NKAIN3: variants seen among roughly 807,000 people sequenced by gnomAD.
NKAIN3 encodes sodium/potassium transporting ATPase interacting 3, also known as sodium/potassium-transporting ATPase subunit beta-1-interacting protein 3.
Under a neutral mutation model 30.2 loss-of-function variants are expected in NKAIN3, and 25 were observed. The observed-to-expected ratio is 0.83, with a 90% CI of 0.60 to 1.16. The LOEUF (loss-of-function observed/expected upper bound fraction) is 1.16, where lower values mean the gene tolerates loss of function less well. Ranked by LOEUF, NKAIN3 falls within the 50% of genes most tolerant of loss-of-function variation. The pLI, the probability that NKAIN3 is intolerant of heterozygous loss-of-function variation, is 0.00. For missense variants in NKAIN3, 225 were observed against 254.1 expected, an observed-to-expected ratio of 0.89 and a Z score of 0.78; for synonymous variants, 91 against 89.6, an observed-to-expected ratio of 1.02 and a Z score of -0.09.
At chr8:62,550,222 G>T (rs953258813) in intron 1 of NKAIN3, among the ~76,000 whole-genome samples, 14 of 152,070 alleles carry the variant, frequency 9.2e-5, no homozygotes, top group African/African-American at 3.4e-4. Context: ...TTTCATGCCT[G>T]CTCCCCTTTT....
At position 62,720,345 on chromosome 8, in the gene NKAIN3, C is replaced by A. The variant is rs541303913; in HGVS notation, c.274-26587C>A. On this transcript the variant is annotated intron_variant, in intron 3 of 6. Transcript: ENST00000623646. ...TTCTAAATGTTAATAAATAAATATG[C>A]ATTGTGTGTGGTACATTCTATTACA... Among the ~76,000 whole-genome samples the A allele has an allele frequency of 2.0e-5, 3 of 152,154 alleles. No individual in the cohort carries two copies. In the South Asian group the frequency reaches 6.2e-4, roughly 32 times the overall value.
intron 3 of NKAIN3, among the ~76,000 whole-genome samples, chr8:62,656,117 T>C (rs1453711085): frequency 6.6e-6 from 1 of 152,112 alleles, no homozygotes; most frequent in African/African-American, 2.4e-5. Context: ...GGCAGTGGCC[T>C]CGCCTTCATG....
chr8:62,279,731 A>G (rs1347253781), intron 1 of NKAIN3, among the ~76,000 whole-genome samples: 1 of 152,158 alleles, frequency 6.6e-6, no homozygotes, highest in Non-Finnish European at 1.5e-5. Context: ...CCATTGGTCT[A>G]TATCTCTGTT....
rs1225197098 is a variant in NKAIN3 at position 62,729,031 on chromosome 8, AAAAAAAAAC to A, written c.274-17892_274-17884del. ...AAAACAAAACAAACAAACCAAAAAA[AAAAAAAAAC>A]AAAAAAAAAAAACCTCCTGCTCTGC... On this transcript the variant is annotated intron_variant, in intron 3 of 6. Coordinates refer to ENST00000623646, the MANE Select transcript of NKAIN3 (RefSeq NM_001304533.3). 2.2e-4 allele frequency among the ~76,000 whole-genome samples: 24 copies of A among 110,572 alleles called. 2 individuals are homozygous for A. The highest frequency in any genetic ancestry group is 3.4e-4 in the Non-Finnish European group (19 of 56,072). 72.5% of individuals were successfully genotyped at this position (110,572 alleles called of 152,430 possible).
chr8:62,525,110 G>A (rs572580757), intron 1 of NKAIN3, among the ~76,000 whole-genome samples: 20 of 152,000 alleles, frequency 1.3e-4, no homozygotes, highest in African/African-American at 4.8e-4. Flanking sequence ...AATTCCTGCT[G>A]CGAGCCATCA....
rs1707994320 is a variant in NKAIN3, at chr8:62,982,131, T to C, written c.*16724T>C. On this transcript the variant is annotated 3_prime_UTR_variant, in exon 7 of 7. Transcript: ENST00000623646. Reference sequence around the variant, plus strand: ...TAAGGTAAGAGCCTGCAGGCAGCACTGTATTGCTTTACAAAACAGCATTTC... The same window carrying C: ...TAAGGTAAGAGCCTGCAGGCAGCACCGTATTGCTTTACAAAACAGCATTTC... The C allele has an allele frequency of 6.6e-6, 1 of 152,218 alleles. No homozygotes were observed. The highest frequency in any genetic ancestry group is 1.5e-5 in the Non-Finnish European group (1 of 68,038). 9.4% of individuals were successfully genotyped at this position (152,218 alleles called of 1,614,324 possible).
chr8:62,632,492 G>A (rs1367608993), intron 3 of NKAIN3, among the ~76,000 whole-genome samples: 1 of 152,084 alleles, frequency 6.6e-6, no homozygotes, highest in African/African-American at 2.4e-5. Context: ...TTTTAAGATA[G>A]TTGATTTACA....
At chr8:62,846,302 T>G (rs1417840029) in intron 4 of NKAIN3, among the ~76,000 whole-genome samples, 1 of 152,162 alleles carries the variant, frequency 6.6e-6, no homozygotes, top group Non-Finnish European at 1.5e-5. Flanking sequence ...ATCTTCTTTT[T>G]CCAGTTGATT....
At chr8:62,532,413 G>GCT (rs1554544045) in intron 1 of NKAIN3, among the ~76,000 whole-genome samples, 1 of 151,762 alleles carries the variant, frequency 6.6e-6, no homozygotes, top group Non-Finnish European at 1.5e-5. Flanking sequence ...TTGTCCTGAA[G>GCT]CCCTGGCTGC....
intron 3 of NKAIN3, among the ~76,000 whole-genome samples, chr8:62,684,776 G>T (rs534503358): frequency 6.6e-6 from 1 of 152,296 alleles, no homozygotes; most frequent in East Asian, 1.9e-4. Context: ...AATCCACCAT[G>T]ATTGATGCCC....
At chr8:62,589,280 G>A (rs1810578543) in intron 2 of NKAIN3, among the ~76,000 whole-genome samples, 1 of 151,680 alleles carries the variant, frequency 6.6e-6, no homozygotes, top group Admixed American at 6.6e-5. Flanking sequence ...CTCCACGCAT[G>A]TTTTCTTCAA....
chr8:62,364,703 G>A (rs894239018), intron 1 of NKAIN3, among the ~76,000 whole-genome samples: 3 of 151,492 alleles, frequency 2.0e-5, no homozygotes, highest in Admixed American at 2.0e-4. Flanking sequence ...GCAGAGCCTG[G>A]TGGCGGGCGC....
At chr8:62,614,189 G>A (rs1287826700) in intron 3 of NKAIN3, among the ~76,000 whole-genome samples, 1 of 152,112 alleles carries the variant, frequency 6.6e-6, no homozygotes, top group Non-Finnish European at 1.5e-5. Flanking sequence ...TATTTGAAAG[G>A]ACTTGGGTAT....
At chr8:62,735,378 CTT>C (rs200472150) in intron 3 of NKAIN3, among the ~76,000 whole-genome samples, 521 of 27,676 alleles carry the variant, frequency 0.019, 2 homozygotes, top group African/African-American at 0.043. Flanking sequence ...TTCTTTCTTT[CTT>C]TTTTTTTTTT....
At chr8:62,851,451 C>T (rs561025917) in intron 4 of NKAIN3, among the ~76,000 whole-genome samples, 2 of 152,200 alleles carry the variant, frequency 1.3e-5, no homozygotes, top group South Asian at 4.2e-4. Context: ...CCTTTATTTC[C>T]TTCTCCTGCC....
chr8:62,251,145 C>T (rs1812088557), intron 1 of NKAIN3, among the ~76,000 whole-genome samples: 1 of 152,044 alleles, frequency 6.6e-6, no homozygotes, highest in African/African-American at 2.4e-5. Flanking sequence ...TAAAACTATC[C>T]TGTGAGGTAG....
At chr8:62,594,781 C>T (rs1032615280) in intron 3 of NKAIN3, among the ~76,000 whole-genome samples, 3 of 150,438 alleles carry the variant, frequency 2.0e-5, no homozygotes, top group African/African-American at 7.4e-5. Flanking sequence ...CTTTCTTTTC[C>T]TTCCTTCCTT....
intron 1 of NKAIN3, among the ~76,000 whole-genome samples, chr8:62,400,248 C>A (rs1817894628): frequency 6.6e-6 from 1 of 150,670 alleles, no homozygotes. Context: ...TCTCAGCAAC[C>A]TCTGCCTCCT....
chr8:62,391,445 C>T (rs190877966), intron 1 of NKAIN3, among the ~76,000 whole-genome samples: 23 of 151,742 alleles, frequency 1.5e-4, no homozygotes, highest in African/African-American at 4.8e-4. Flanking sequence ...TTACATAAAA[C>T]GATGAGCATT....
Sources: gnomAD v4.1 joint callset for allele counts (sites outside exome capture counted in the v4.1 genomes callset) on GRCh38, gnomAD v4.1.1 for gene constraint, MANE v1.5 for transcripts, NCBI Gene and HGNC (gene_info 2026-07-23, HGNC 2026-07-21) for gene names.